ACSM1: variants seen among roughly 807,000 people sequenced by gnomAD.
ACSM1 encodes the protein acyl-CoA synthetase medium chain family member 1, also known as acyl-coenzyme A synthetase ACSM1, mitochondrial.
In ACSM1, 79 loss-of-function variants were observed where a neutral mutation model predicts 75.8. The observed-to-expected ratio is 1.04, with a 90% CI of 0.87 to 1.26. ACSM1 has a LOEUF of 1.26. Among genes scored for constraint, ACSM1 ranks in the 50% most tolerant of loss-of-function variants. The pLI is 0.00. For synonymous variants in ACSM1, 279 were observed against 265.8 expected, an observed-to-expected ratio of 1.05 and a Z score of -0.48; for missense variants, 676 against 720.1, an observed-to-expected ratio of 0.94 and a Z score of 0.70.
intron 2 of ACSM1, among the ~76,000 whole-genome samples, chr16:20,687,763 C>T (rs924576262): frequency 6.6e-6 from 1 of 151,820 alleles, no homozygotes; most frequent in Non-Finnish European, 1.5e-5. Context: ...AATAACAATA[C>T]CAACAAAAAG....
rs577936326 is a variant in ACSM1 at position 20,648,041 on chromosome 16, G to C, written c.993-7457C>G. On this transcript the variant is annotated intron_variant, in intron 7 of 13. Transcript: ENST00000520010. This position sits in a 1 kb window ranked among gnomAD's most constrained non-coding sequence, Gnocchi z 4.2. ...CAGGAACTTTGCAGCCTCCACAGTC[G>C]CGATGGCCCCCTGCTCCCACTTTAC... Among the ~76,000 whole-genome samples, 1 of 152,086 alleles carries C rather than the reference G, an allele frequency of 6.6e-6. No homozygotes were observed. Among genetic ancestry groups the C allele is most frequent in the African/African-American group, 2.4e-5 (1 of 41,420 alleles).
intron 6 of ACSM1, among the ~76,000 whole-genome samples, chr16:20,668,947 A>T (rs1253981641): frequency 6.6e-6 from 1 of 152,196 alleles, no homozygotes. Flanking sequence ...AATGCATAGT[A>T]GATTAAAGAT....
At chr16:20,645,704 G>A (rs1168347510) in intron 7 of ACSM1, among the ~76,000 whole-genome samples, 3 of 152,204 alleles carry the variant, frequency 2.0e-5, no homozygotes, top group Non-Finnish European at 4.4e-5. Context: ...TTCCCCACAG[G>A]CCAGCAGGCA....
intron 7 of ACSM1, among the ~76,000 whole-genome samples, chr16:20,657,656 T>C (rs992768489): frequency 6.6e-6 from 1 of 152,050 alleles, no homozygotes; most frequent in Admixed American, 6.6e-5. Flanking sequence ...GTGCACAACG[T>C]GCAGGTTTGT....
intron 4 of ACSM1, among the ~76,000 whole-genome samples, chr16:20,672,891 TATA>T (rs2020040477): frequency 7.7e-6 from 1 of 130,544 alleles, no homozygotes; most frequent in East Asian, 2.2e-4. Context: ...ATATATAATA[TATA>T]ATAAATATAA....
rs2016859396 is a variant in ACSM1 at position 20,625,406 on chromosome 16, C to T, written c.1527+17G>A. The T allele has an allele frequency of 1.2e-6, 2 of 1,608,774 alleles. No homozygotes were observed. Among genetic ancestry groups the T allele is most frequent in the Non-Finnish European group, 1.7e-6 (2 of 1,175,714 alleles). On this transcript the variant is annotated intron_variant, in intron 12 of 13. Transcript: ENST00000520010. ...AGTGCCCACGCACAGACATGATGAT[C>T]TCTGTGTTCTCCTCACCTCCCCTCG...
chr16:20,655,027 A>C (rs1009982121), intron 7 of ACSM1, among the ~76,000 whole-genome samples: 3 of 152,150 alleles, frequency 2.0e-5, no homozygotes, highest in Admixed American at 6.5e-5. Flanking sequence ...GACTGGATTA[A>C]GAAAATGTGG....
chr16:20,650,273 C>A (rs973404006), intron 7 of ACSM1, among the ~76,000 whole-genome samples: 1 of 152,078 alleles, frequency 6.6e-6, no homozygotes, highest in African/African-American at 2.4e-5. Context: ...GCATGAGGAA[C>A]TGAAGTGTCG....
intron 10 of ACSM1, among the ~76,000 whole-genome samples, chr16:20,633,028 G>A (rs1263226985): frequency 6.6e-6 from 1 of 152,146 alleles, no homozygotes; most frequent in East Asian, 1.9e-4. Flanking sequence ...AACATGATGA[G>A]GCCACATATA....
At chr16:20,662,008 T>A (rs888795178) in intron 6 of ACSM1, 135 bp from the exon 7 acceptor site, 8 of 515,100 alleles carry the variant, frequency 1.6e-5, no homozygotes, top group Non-Finnish European at 2.8e-5. Context: ...AATACACACA[T>A]ACTGAGCATG....
chr16:20,651,256 T>G (rs1364847122), intron 7 of ACSM1, among the ~76,000 whole-genome samples: 1 of 152,154 alleles, frequency 6.6e-6, no homozygotes, highest in Admixed American at 6.6e-5. Context: ...TCTTTATGAG[T>G]CTATGTGATG....
intron 7 of ACSM1, among the ~76,000 whole-genome samples, chr16:20,660,823 T>C (rs1464822741): frequency 6.6e-6 from 1 of 152,118 alleles, no homozygotes; most frequent in South Asian, 2.1e-4. Flanking sequence ...TGTGTTTTGG[T>C]TTAGCTTAAA....
intron 3 of ACSM1, among the ~76,000 whole-genome samples, chr16:20,684,227 T>C (rs1244265257): frequency 6.6e-6 from 1 of 152,174 alleles, no homozygotes. Context: ...AAAACCAACA[T>C]GGTAATATTC....
At chr16:20,681,399 T>C (rs1424422447) in intron 4 of ACSM1, 1 of 152,230 alleles carries the variant, frequency 6.6e-6, no homozygotes, top group African/African-American at 2.4e-5. Context: ...TTGGCCCATG[T>C]TCCAATTCAG....
intron 6 of ACSM1, among the ~76,000 whole-genome samples, chr16:20,666,921 C>A (rs553738196): frequency 2.0e-5 from 3 of 152,262 alleles, no homozygotes; most frequent in South Asian, 2.1e-4. Context: ...GGGCTCCTAC[C>A]TTTCGCCATA....
At chr16:20,690,798 T>C (rs907409984) in intron 2 of ACSM1, among the ~76,000 whole-genome samples, 199 bp downstream of exon 2, 3 of 152,220 alleles carry the variant, frequency 2.0e-5, no homozygotes, top group African/African-American at 7.2e-5. Flanking sequence ...CCTCATTTCA[T>C]AGATGAAACC....
In ACSM1 at chr16:20,691,091, G is replaced by C. The variant is rs1276383363; in HGVS notation, c.98C>G (p.Ser33Ter). ...ATTCCATCTTGGGGCTCCAAATTCT[G>C]ATAAAGACCGGCAGCGCAGCTGTGA... is the stretch of plus-strand genomic sequence containing the variant. ...APSQLRCRSL[S>*]EFGAPRWNDY... The change falls in exon 2 of 14, where the codon TCA (serine) becomes TGA (stop). Residue 33 changes from serine to a stop codon, truncating the protein, a stop_gained. Transcript: ENST00000520010. LOFTEE classifies it high-confidence loss of function. 1 of 1,613,644 alleles carries C rather than the reference G, an allele frequency of 6.2e-7. No homozygotes were observed. The highest frequency in any genetic ancestry group is 2.2e-5 in the East Asian group (1 of 44,838).
At chr16:20,634,295 A>G (rs1485388423) in intron 10 of ACSM1, among the ~76,000 whole-genome samples, 1 of 152,260 alleles carries the variant, frequency 6.6e-6, no homozygotes, top group Non-Finnish European at 1.5e-5. Context: ...TTTATTTCAA[A>G]AAGTTCAACA....
chr16:20,675,441 A>C (rs1437357716), intron 4 of ACSM1, among the ~76,000 whole-genome samples: 1 of 152,154 alleles, frequency 6.6e-6, no homozygotes, highest in Non-Finnish European at 1.5e-5. Context: ...GTGGCAGGGA[A>C]AGGCACGTTC....
Sources: gnomAD v4.1 joint callset for allele counts (sites outside exome capture counted in the v4.1 genomes callset) on GRCh38, gnomAD v4.1.1 for gene constraint, Gnocchi (gnomAD v3.1) non-coding constraint, MANE v1.5 for transcripts, NCBI Gene and HGNC (gene_info 2026-07-23, HGNC 2026-07-21) for gene names.